Variants in ZNF420 observed in about 807,000 individuals in gnomAD.
The protein encoded by ZNF420 is zinc finger protein 420, also known as ATM and p53-associated KZNF protein.
In ZNF420, 31 loss-of-function variants were observed where a neutral mutation model predicts 44.7. The observed-to-expected ratio is 0.69, with a 90% CI of 0.52 to 0.94. The LOEUF is 0.94. ZNF420 is among the 40% of genes least tolerant of loss of function. The pLI is 0.00. For missense variants in ZNF420, 681 were observed against 827.9 expected, an observed-to-expected ratio of 0.82 and a Z score of 2.18; for synonymous variants, 245 against 267.4, an observed-to-expected ratio of 0.92 and a Z score of 0.82.
At chr19:37,030,009 CA>C (rs1467137039) in intron 1 of ZNF420, among the ~76,000 whole-genome samples, 2 of 152,106 alleles carry the variant, frequency 1.3e-5, no homozygotes, top group Non-Finnish European at 2.9e-5. Context: ...ATATACAGTA[CA>C]ATTTTATTAC....
chr19:37,116,471 G>T (rs1034868232), intron 4 of ZNF420, among the ~76,000 whole-genome samples: 7 of 152,050 alleles, frequency 4.6e-5, no homozygotes, highest in Admixed American at 6.6e-5. Flanking sequence ...GGAAAATATG[G>T]GTGGAGCCAA....
At chr19:37,040,200 A>G (rs1372065043) in intron 1 of ZNF420, among the ~76,000 whole-genome samples, 1 of 152,242 alleles carries the variant, frequency 6.6e-6, no homozygotes, top group African/African-American at 2.4e-5. Flanking sequence ...TGCAGCTTCT[A>G]CAACAGAACT....
At chr19:37,081,043 C>T (rs1388652301) in intron 2 of ZNF420, among the ~76,000 whole-genome samples, 14 of 135,710 alleles carry the variant, frequency 1.0e-4, no homozygotes, top group Non-Finnish European at 2.0e-4. Context: ...GGCAACAGAG[C>T]GAGACTCTGT....
intron 4 of ZNF420, among the ~76,000 whole-genome samples, chr19:37,122,452 A>G (rs546973166): frequency 6.2e-4 from 72 of 115,678 alleles, no homozygotes; most frequent in African/African-American, 2.4e-3. Context: ...ATCACACTCC[A>G]GGGACTGTTG....
intron 2 of ZNF420, among the ~76,000 whole-genome samples, chr19:37,083,431 C>T (rs1356402950): frequency 1.3e-5 from 2 of 152,144 alleles, no homozygotes; most frequent in Non-Finnish European, 2.9e-5. Flanking sequence ...AAAAGAAAAA[C>T]TGGAATGAAA....
chr19:37,026,737 C>T (rs559231575), intron 1 of ZNF420, among the ~76,000 whole-genome samples: 2 of 152,356 alleles, frequency 1.3e-5, no homozygotes, highest in South Asian at 4.1e-4. Context: ...GCTGGGATTA[C>T]AGGCGTGAGC....
chr19:37,014,896 A>G (rs887788702), intron 1 of ZNF420, among the ~76,000 whole-genome samples: 9 of 152,202 alleles, frequency 5.9e-5, no homozygotes, highest in African/African-American at 1.9e-4. Context: ...AGAAACGTCA[A>G]GCAGGGCCCC....
chr19:37,018,994 G>A (rs2074627404), intron 1 of ZNF420, among the ~76,000 whole-genome samples: 1 of 151,846 alleles, frequency 6.6e-6, no homozygotes, highest in South Asian at 2.1e-4. Context: ...AAATGTACAG[G>A]CATCAAAAGA....
At chr19:37,080,306 G>C (rs1968365492) in intron 1 of ZNF420, 39 bp from the exon 2 acceptor site, 1 of 152,618 alleles carries the variant, frequency 6.6e-6, no homozygotes, top group African/African-American at 2.4e-5. Context: ...CCCAAGAAAG[G>C]CCTAATATCT....
At chr19:37,090,802 C>A (rs1424687459) in intron 3 of ZNF420, among the ~76,000 whole-genome samples, 193 bp from the exon 4 acceptor site, 1 of 151,544 alleles carries the variant, frequency 6.6e-6, no homozygotes, top group Non-Finnish European at 1.5e-5. Flanking sequence ...TGCCTGTAAT[C>A]CCAGCTACTC....
At chr19:37,033,870 C>T (rs2146400635) in intron 1 of ZNF420, among the ~76,000 whole-genome samples, 1 of 152,306 alleles carries the variant, frequency 6.6e-6, no homozygotes, top group Middle Eastern at 3.4e-3. Flanking sequence ...GATTCTGCTG[C>T]CTCAGCCTCC....
rs573201386 is a variant in ZNF420 at position 37,097,837 on chromosome 19, C to T, written c.136+6716C>T. ...TCTTTTAAAATTTTACCTTTGTTCA[C>T]GAGATTGGCTTCGTTTTCCTAAGGT... is the stretch of plus-strand genomic sequence containing the variant. On this transcript the variant is annotated intron_variant, in intron 4 of 4. Coordinates refer to ENST00000337995, the MANE Select transcript of ZNF420 (RefSeq NM_144689.5). Among the ~76,000 whole-genome samples, 196 of 152,166 alleles carry T rather than the reference C, an allele frequency of 1.3e-3. 1 individual carries two copies. Among genetic ancestry groups the T allele is most frequent in the African/African-American group, 3.7e-3 (155 of 41,530 alleles).
chr19:37,087,907 A>C (rs73023540), intron 2 of ZNF420, among the ~76,000 whole-genome samples: 12,082 of 152,188 alleles, frequency 0.079, 652 homozygotes, highest in Non-Finnish European at 0.12. Flanking sequence ...GGCCTCCCAA[A>C]GTGCTGGGAT....
chr19:37,073,877 A>G (rs1324081796), upstream of ZNF420, among the ~76,000 whole-genome samples: 1 of 152,182 alleles, frequency 6.6e-6, no homozygotes, highest in Non-Finnish European at 1.5e-5. Context: ...GGGTTCTTAC[A>G]GGCCAATTTG....
chr19:37,098,800 A>G (rs940504974), intron 4 of ZNF420, among the ~76,000 whole-genome samples: 2 of 152,142 alleles, frequency 1.3e-5, no homozygotes, highest in African/African-American at 4.8e-5. Flanking sequence ...TATTTCTCCT[A>G]TCTAACTATA....
intron 1 of ZNF420, among the ~76,000 whole-genome samples, chr19:37,015,782 G>C (rs938662859): frequency 2.0e-5 from 3 of 152,188 alleles, no homozygotes; most frequent in Admixed American, 1.3e-4. Context: ...AATGTGAGGA[G>C]AATATTTGGA....
chr19:37,128,484 C>T lies in ZNF420; in HGVS notation c.1493C>T (p.Thr498Ile). 2 of 1,614,050 alleles carry T rather than the reference C, an allele frequency of 1.2e-6. No homozygotes were observed. Among genetic ancestry groups the T allele is most frequent in the Non-Finnish European group, 1.7e-6 (2 of 1,179,970 alleles). Residue 498 changes from threonine (T) to isoleucine (I), a missense_variant, in exon 5 of 5, where the codon ACT becomes ATT. Thr to Ile is a moderately conservative substitution (Grantham distance 89). Coordinates refer to ENST00000337995, the MANE Select transcript of ZNF420 (RefSeq NM_144689.5). ...CTTACTCAACATCAGAGAATCCATA[C>T]TGGTGAGAAACCTTATGAATGTAAA... ...SQLTQHQRIH[T>I]GEKPYECKEC...
chr19:37,084,344 T>C (rs2146502391), intron 2 of ZNF420, among the ~76,000 whole-genome samples: 1 of 152,340 alleles, frequency 6.6e-6, no homozygotes, highest in East Asian at 1.9e-4. Context: ...CTTTTATTTC[T>C]TAGAGATTTT....
At chr19:37,046,837 GC>G (rs1355417488) in intron 1 of ZNF420, among the ~76,000 whole-genome samples, 7 of 151,900 alleles carry the variant, frequency 4.6e-5, no homozygotes, top group Non-Finnish European at 8.8e-5. Flanking sequence ...AAACAGAAAA[GC>G]AAAACAACAA....
Sources: allele counts gnomAD v4.1 joint callset (sites outside exome capture counted in the v4.1 genomes callset), GRCh38; gene constraint gnomAD v4.1.1; transcripts MANE v1.5; gene names NCBI Gene and HGNC (gene_info 2026-07-23, HGNC 2026-07-21).